Variants in VAT1L observed in about 807,000 individuals in gnomAD.
VAT1L encodes the protein putative NADPH-dependent quinone oxidoreductase VAT1L.
Under a neutral mutation model 44.1 loss-of-function variants are expected in VAT1L, and 34 were observed. The ratio of observed to expected loss-of-function variants is 0.77; its 90% CI spans 0.59 to 1.03. The LOEUF is 1.03. VAT1L is among the 50% of genes least tolerant of loss of function. The pLI is 0.00. For missense variants in VAT1L, 615 were observed against 538.8 expected (o/e 1.14, Z -1.40); for synonymous variants, 253 against 202.2 (o/e 1.25, Z -2.13).
At chr16:77,964,779 C>T (rs1597124402) in intron 7 of VAT1L, among the ~76,000 whole-genome samples, 2 of 91,882 alleles carry the variant, frequency 2.2e-5, no homozygotes, top group Admixed American at 1.3e-4. Context: ...CTTTGTAGCA[C>T]TTTTTTTTTT....
chr16:77,802,964 A>C (rs1040700546), intron 1 of VAT1L, among the ~76,000 whole-genome samples: 2 of 152,164 alleles, frequency 1.3e-5, no homozygotes, highest in Non-Finnish European at 2.9e-5. Context: ...CAGGGCCGGC[A>C]GCCCAGCAAT....
At chr16:77,965,343 G>C (rs1355196997) in intron 7 of VAT1L, among the ~76,000 whole-genome samples, 1 of 152,206 alleles carries the variant, frequency 6.6e-6, no homozygotes, top group African/African-American at 2.4e-5. Flanking sequence ...ACTCAAAGCA[G>C]AACCAGGTTT....
Position 77,825,434 on chromosome 16 carries a change from G to C in VAT1L, c.552G>C (p.Val184=). The change falls in exon 3 of 9, where the codon GTG becomes GTC. Residue 184 remains valine (V), a synonymous_variant. Transcript: ENST00000302536. ...EVANLREGMS[V]LVHSAGGGVG... ...CCAACCTCCGGGAAGGGATGTCTGT[G>C]CTCGTGCACTCAGCTGGTGGGGGCG... 1 of 1,601,622 alleles carries C rather than the reference G, an allele frequency of 6.2e-7. No homozygotes were observed. The highest frequency in any genetic ancestry group is 8.5e-7 in the Non-Finnish European group (1 of 1,173,286).
chr16:77,930,762 T>G (rs2017722752), intron 7 of VAT1L, among the ~76,000 whole-genome samples: 1 of 152,098 alleles, frequency 6.6e-6, no homozygotes, highest in South Asian at 2.1e-4. Context: ...GCAGAGTTGT[T>G]CAAGGGGGCA....
intron 1 of VAT1L, among the ~76,000 whole-genome samples, chr16:77,795,286 G>GC (rs1188740186): frequency 2.0e-5 from 3 of 147,466 alleles, no homozygotes; most frequent in Non-Finnish European, 4.5e-5. Flanking sequence ...GTGGGGGCGG[G>GC]GGGAAAGATT....
chr16:77,833,491 G>C (rs1460872622), intron 3 of VAT1L, among the ~76,000 whole-genome samples: 2 of 151,642 alleles, frequency 1.3e-5, no homozygotes, highest in African/African-American at 2.4e-5. Context: ...GGTGGCTTAC[G>C]CCTGTAATCC....
Position 77,862,581 on chromosome 16 carries a change from A to T in VAT1L, c.580-167A>T, listed in dbSNP as rs975756723. ...CAGTGAGCCGAGATCGCACCACTGC[A>T]CATTGCACTCCAGCCTGAGTGACAG... On this transcript the variant is annotated intron_variant, in intron 3 of 8. Transcript: ENST00000302536. Among the ~76,000 whole-genome samples, 47 of 148,744 alleles carry T rather than the reference A, an allele frequency of 3.2e-4. 1 individual carries two copies. In the Middle Eastern group the frequency reaches 0.011, roughly 34 times the overall value.
chr16:77,821,021 A>G (rs773971686), intron 2 of VAT1L, among the ~76,000 whole-genome samples: 1 of 152,116 alleles, frequency 6.6e-6, no homozygotes, highest in Non-Finnish European at 1.5e-5. Context: ...CTTCTCCAGG[A>G]CTGAATTTCT....
intron 7 of VAT1L, among the ~76,000 whole-genome samples, chr16:77,956,547 T>C (rs1368937608): frequency 6.6e-6 from 1 of 152,186 alleles, no homozygotes; most frequent in Non-Finnish European, 1.5e-5. Context: ...CTCTGCCTTG[T>C]CCTTTACATT....
intron 7 of VAT1L, among the ~76,000 whole-genome samples, chr16:77,961,858 G>A (rs1027734025): frequency 6.6e-6 from 1 of 152,186 alleles, no homozygotes; most frequent in South Asian, 2.1e-4. Flanking sequence ...AAGGTTTGTT[G>A]TTCCAAAATG....
chr16:77,858,459 A>T (rs1033428808), intron 3 of VAT1L, among the ~76,000 whole-genome samples: 1 of 152,214 alleles, frequency 6.6e-6, no homozygotes, highest in Non-Finnish European at 1.5e-5. Flanking sequence ...AGGACTTAGG[A>T]GTAGTGATAG....
In VAT1L at chr16:77,862,858, C is replaced by G. The variant is rs2016931201; in HGVS notation, c.690C>G (p.Asp230Glu). The G allele has an allele frequency of 6.2e-7, 1 of 1,613,884 alleles. No homozygotes were observed. ...AIKDSVTHLF[D>E]RNADYVQEVK... ...AAGACTCTGTGACCCACCTCTTTGA[C>G]AGAAATGCAGACTACGTGCAAGAAG... Residue 230 changes from aspartate to glutamate, a missense_variant, in exon 4 of 9, where the codon GAC (aspartate) becomes GAG (glutamate). Transcript: ENST00000302536.
chr16:77,802,201 C>G (rs2016069494), intron 1 of VAT1L, among the ~76,000 whole-genome samples: 2 of 152,168 alleles, frequency 1.3e-5, no homozygotes, highest in Admixed American at 1.3e-4. Context: ...GTTTTCTTTC[C>G]TTTTCCTAGT....
chr16:77,966,974 C>A (rs1415110550), intron 7 of VAT1L, among the ~76,000 whole-genome samples: 1 of 147,864 alleles, frequency 6.8e-6, no homozygotes, highest in African/African-American at 2.5e-5. Context: ...CTCTGGTGGT[C>A]CCAACGGAGA....
intron 7 of VAT1L, among the ~76,000 whole-genome samples, chr16:77,969,561 A>G (rs1382380333): frequency 6.6e-6 from 1 of 152,130 alleles, no homozygotes; most frequent in Non-Finnish European, 1.5e-5. Context: ...AGTTTGAGTC[A>G]TCAGAACAAG....
chr16:77,912,982 C>G (rs753886709), intron 7 of VAT1L, among the ~76,000 whole-genome samples: 4 of 152,068 alleles, frequency 2.6e-5, no homozygotes, highest in Non-Finnish European at 5.9e-5. Context: ...TTTATCTAAA[C>G]TTAACGCCCT....
intron 7 of VAT1L, among the ~76,000 whole-genome samples, chr16:77,947,841 C>A (rs1029885034): frequency 1.3e-5 from 2 of 152,194 alleles, no homozygotes; most frequent in Admixed American, 1.3e-4. Flanking sequence ...CTCACCACAA[C>A]CTCTGCCTCC....
intron 7 of VAT1L, among the ~76,000 whole-genome samples, chr16:77,947,919 C>A (rs1452506834): frequency 6.6e-6 from 1 of 152,098 alleles, no homozygotes; most frequent in East Asian, 1.9e-4. Context: ...GCCACCACGC[C>A]CAGCTAATTT....
chr16:77,806,181 T>C (rs2016155435), intron 1 of VAT1L, among the ~76,000 whole-genome samples: 1 of 149,652 alleles, frequency 6.7e-6, no homozygotes, highest in Non-Finnish European at 1.5e-5. Context: ...CTTTTTAAAT[T>C]CCTCGATCTC....
Sources: allele counts gnomAD v4.1 joint callset (sites outside exome capture counted in the v4.1 genomes callset), GRCh38; gene constraint gnomAD v4.1.1; transcripts MANE v1.5; gene names NCBI Gene and HGNC (gene_info 2026-07-23, HGNC 2026-07-21).